FAAH2: variants seen among roughly 807,000 people sequenced by gnomAD.
FAAH2 encodes fatty acid amide hydrolase 2.
Under a neutral mutation model 36.9 loss-of-function variants are expected in FAAH2, and 60 were observed. The observed-to-expected ratio is 1.63, with a 90% CI of 1.32 to 2.02. The LOEUF (loss-of-function observed/expected upper bound fraction) is 2.02, where lower values mean the gene tolerates loss of function less well. FAAH2 is among the 30% of genes most tolerant of loss of function. FAAH2 has a pLI of 0.00. For synonymous variants in FAAH2, 214 were observed against 143.8 expected, an observed-to-expected ratio of 1.49 and a Z score of -3.49; for missense variants, 689 against 397.5, an observed-to-expected ratio of 1.73 and a Z score of -6.23.
chrX:57,478,710 A>G (rs2057319868), intron 10 of FAAH2, among the ~76,000 whole-genome samples: 1 of 111,913 alleles, frequency 8.9e-6, no homozygotes, highest in Admixed American at 9.5e-5. Flanking sequence ...ACATATGGCT[A>G]GCCAGTTTTC....
At chrX:57,209,793 C>T in the FAAH2 span, among the ~76,000 whole-genome samples, 1 of 111,136 alleles carries the variant, frequency 9.0e-6, no homozygotes, top group Non-Finnish European at 1.9e-5. Context: ...GACTGCCTTT[C>T]AAGGTTATTT....
At chrX:57,330,125 G>A (rs1305987887) in intron 3 of FAAH2, among the ~76,000 whole-genome samples, 3 of 111,839 alleles carry the variant, frequency 2.7e-5, no homozygotes, top group Admixed American at 9.5e-5. Flanking sequence ...AACTGTTCAG[G>A]GAAAAAGAGA....
intron 2 of FAAH2, among the ~76,000 whole-genome samples, chrX:57,306,754 T>C (rs1376439540): frequency 1.0e-5 from 1 of 96,970 alleles, no homozygotes; most frequent in East Asian, 3.2e-4. Context: ...ACACACTATA[T>C]GTATACACTA....
chrX:57,422,677 G>T (rs2056066780), intron 7 of FAAH2, among the ~76,000 whole-genome samples: 1 of 111,446 alleles, frequency 9.0e-6, no homozygotes, highest in Non-Finnish European at 1.9e-5. Context: ...GCTCCAGGAG[G>T]CCCAGGTGTC....
chrX:57,382,282 A>C (rs1351615444), intron 7 of FAAH2, among the ~76,000 whole-genome samples: 1 of 111,691 alleles, frequency 9.0e-6, no homozygotes, highest in Non-Finnish European at 1.9e-5. Flanking sequence ...AAGCAAGAGC[A>C]AACACATTCA....
chrX:57,392,280 G>A (rs1408331124), intron 7 of FAAH2, among the ~76,000 whole-genome samples: 4 of 111,277 alleles, frequency 3.6e-5, no homozygotes, highest in Non-Finnish European at 7.5e-5. Context: ...TTTAAATTTG[G>A]ATCCCTTTCC....
intron 4 of FAAH2, among the ~76,000 whole-genome samples, chrX:57,341,055 A>G (rs1019625564): frequency 2.7e-5 from 3 of 111,852 alleles, no homozygotes; most frequent in Non-Finnish European, 5.6e-5. Context: ...CTCAGGGAAA[A>G]CCTTATCAGT....
At chrX:57,345,733 C>T (rs949011130) in intron 5 of FAAH2, among the ~76,000 whole-genome samples, 9 of 111,072 alleles carry the variant, frequency 8.1e-5, no homozygotes, top group African/African-American at 2.9e-4. Context: ...GATTTTAGAT[C>T]TTTCTAACTT....
the FAAH2 span, among the ~76,000 whole-genome samples, chrX:57,239,926 T>A: frequency 8.9e-6 from 1 of 112,221 alleles, no homozygotes; most frequent in Admixed American, 9.5e-5. Flanking sequence ...CTTTCAGTTG[T>A]TGAATCATTT....
chrX:57,228,584 A>T, the FAAH2 span, among the ~76,000 whole-genome samples: 1 of 111,173 alleles, frequency 9.0e-6, no homozygotes, highest in African/African-American at 3.3e-5. Flanking sequence ...ATTGCAGTCG[A>T]TCTGGAGCTA....
intron 7 of FAAH2, among the ~76,000 whole-genome samples, chrX:57,410,503 T>C (rs990151265): frequency 1.8e-5 from 2 of 112,074 alleles, no homozygotes; most frequent in Non-Finnish European, 3.8e-5. Flanking sequence ...TTCAGATCTA[T>C]TATAATTTGC....
At chrX:57,447,121 G>A (rs191355798) in intron 9 of FAAH2, 82 bp downstream of exon 9, 6 of 719,102 alleles carry the variant, frequency 8.3e-6, no homozygotes, top group Non-Finnish European at 9.9e-6. Flanking sequence ...TGGACTAAAG[G>A]CCCCATGCAA....
rs1433624308 is a variant in FAAH2, at chrX:57,352,114, A to G, written c.742+10724A>G. Among the ~76,000 whole-genome samples the G allele has an allele frequency of 8.3e-5, 4 of 47,923 alleles. 1 individual carries two copies. The highest frequency in any genetic ancestry group is 1.3e-4 in the Non-Finnish European group (4 of 30,187). 41.6% of individuals were successfully genotyped at this position (47,923 alleles called of 115,157 possible). ...TATGCACATATATATATATGTGTAT[A>G]TATATGCACATATATATATATGTGT... On this transcript the variant is annotated intron_variant, in intron 5 of 10. Coordinates refer to ENST00000374900, the MANE Select transcript of FAAH2 (RefSeq NM_174912.4).
At chrX:57,180,375 A>C in the FAAH2 span, among the ~76,000 whole-genome samples, 1 of 111,731 alleles carries the variant, frequency 9.0e-6, no homozygotes, top group Non-Finnish European at 1.9e-5. Context: ...GACTCATAAA[A>C]AGGAAGCAGA....
chrX:57,373,942 G>A (rs1380941373), intron 5 of FAAH2, among the ~76,000 whole-genome samples: 1 of 111,357 alleles, frequency 9.0e-6, no homozygotes, highest in Non-Finnish European at 1.9e-5. Context: ...GATGTGGTTA[G>A]CCAATTATCC....
At chrX:57,268,419 A>G in the FAAH2 span, among the ~76,000 whole-genome samples, 2 of 111,947 alleles carry the variant, frequency 1.8e-5, no homozygotes, top group East Asian at 2.8e-4. Context: ...CCAACTTGGA[A>G]AACATATTTC....
At chrX:57,270,677 G>A in the FAAH2 span, among the ~76,000 whole-genome samples, 9 of 111,694 alleles carry the variant, frequency 8.1e-5, no homozygotes, top group Non-Finnish European at 1.1e-4. Flanking sequence ...TGCAGCCCAC[G>A]GAGGGTGAGC....
At chrX:57,391,010 G>A (rs1276588721) in intron 7 of FAAH2, among the ~76,000 whole-genome samples, 1 of 111,306 alleles carries the variant, frequency 9.0e-6, no homozygotes, top group African/African-American at 3.3e-5. Flanking sequence ...TTAAAAAATA[G>A]CCATTCTGAC....
the FAAH2 span, among the ~76,000 whole-genome samples, chrX:57,208,738 G>A: frequency 8.9e-6 from 1 of 112,111 alleles, no homozygotes; most frequent in African/African-American, 3.2e-5. Flanking sequence ...ATAGATTATA[G>A]ATTTACTAAA....
Sources: allele counts gnomAD v4.1 joint callset (sites outside exome capture counted in the v4.1 genomes callset), GRCh38; gene constraint gnomAD v4.1.1; transcripts MANE v1.5; gene names NCBI Gene and HGNC (gene_info 2026-07-23, HGNC 2026-07-21).